The following IL31RA variants were observed in gnomAD, a reference collection of about 807,000 sequenced individuals.
The protein encoded by IL31RA is interleukin-31 receptor subunit alpha.
IL31RA carries 66 observed loss-of-function variants against 83.7 expected under a neutral mutation model. That is an observed-to-expected ratio of 0.79 (90% CI 0.65 to 0.97). The LOEUF (loss-of-function observed/expected upper bound fraction) is 0.97, where lower values mean the gene tolerates loss of function less well. IL31RA is among the 50% of genes least tolerant of loss of function. The pLI is 0.00. For synonymous variants in IL31RA, 325 were observed against 329.0 expected, an observed-to-expected ratio of 0.99 and a Z score of 0.13; for missense variants, 798 against 919.4, an observed-to-expected ratio of 0.87 and a Z score of 1.71.
intron 5 of IL31RA, among the ~76,000 whole-genome samples, chr5:55,889,543 G>A (rs1189488440): frequency 6.6e-6 from 1 of 152,248 alleles, no homozygotes; most frequent in Admixed American, 6.5e-5. Context: ...TCTCGTGGAT[G>A]ACGTGAGGAT....
chr5:55,889,995 G>T lies in IL31RA; in HGVS notation c.632G>T (p.Arg211Leu), dbSNP rs565501186. ...SWMEVNFAKNRKDKNQTYNLT... is the reference protein window; with the variant it reads ...SWMEVNFAKNLKDKNQTYNLT... ...ATGGAAGTCAACTTCGCTAAGAACC[G>T]TAAGGATAAAAACCAAACGTACAAC... The change falls in exon 6 of 15, where the codon CGT (arginine) becomes CTT (leucine). Residue 211 changes from arginine (R) to leucine (L), a missense_variant. Physicochemically the swap from Arg to Leu is moderately radical, Grantham distance 102. Coordinates refer to ENST00000652347, the MANE Select transcript of IL31RA (RefSeq NM_139017.7). The T allele has an allele frequency of 1.2e-6, 2 of 1,613,960 alleles. No individual in the cohort carries two copies. Among genetic ancestry groups the T allele is most frequent in the Non-Finnish European group, 1.7e-6 (2 of 1,179,940 alleles).
At position 55,863,454 on chromosome 5, in the gene IL31RA, A is replaced by G. The variant is rs146883438; in HGVS notation, c.154+3855A>G. 7.1e-4 allele frequency among the ~76,000 whole-genome samples: 108 copies of G among 152,358 alleles called. No individual in the cohort carries two copies. The East Asian group carries it at 0.014, about 20-fold the overall frequency. Reference sequence around the variant, plus strand: ...GGGCTCTGCTATCCTCACACACACCATGTCAGCATCCGTTTTCAAGGCGTG... The same window carrying G: ...GGGCTCTGCTATCCTCACACACACCGTGTCAGCATCCGTTTTCAAGGCGTG... On this transcript the variant is annotated intron_variant, in intron 2 of 14. Coordinates refer to ENST00000652347, the MANE Select transcript of IL31RA (RefSeq NM_139017.7).
At chr5:55,859,963 C>T (rs550967910) in intron 2 of IL31RA, among the ~76,000 whole-genome samples, 15 of 152,292 alleles carry the variant, frequency 9.8e-5, no homozygotes, top group African/African-American at 3.1e-4. Flanking sequence ...ATATATAGTA[C>T]ATTTTTCCTT....
intron 2 of IL31RA, among the ~76,000 whole-genome samples, chr5:55,861,188 T>A (rs1561538392): frequency 6.6e-6 from 1 of 152,214 alleles, no homozygotes; most frequent in Non-Finnish European, 1.5e-5. Flanking sequence ...AGGGCAGTCA[T>A]GACCCAGAGA....
chr5:55,888,352 A>T (rs913021847), intron 5 of IL31RA, among the ~76,000 whole-genome samples: 5 of 152,156 alleles, frequency 3.3e-5, no homozygotes, highest in African/African-American at 1.2e-4. Context: ...CTTGATTAAA[A>T]GACTGAGCAG....
At chr5:55,909,768 G>A (rs555337872) in intron 11 of IL31RA, among the ~76,000 whole-genome samples, 3 of 150,182 alleles carry the variant, frequency 2.0e-5, no homozygotes, top group South Asian at 2.1e-4. Context: ...GCAATGGCAC[G>A]ATCTTGGCTC....
At chr5:55,912,066 T>C (rs975394937) in intron 12 of IL31RA, among the ~76,000 whole-genome samples, 1 of 152,172 alleles carries the variant, frequency 6.6e-6, no homozygotes, top group Admixed American at 6.5e-5. Flanking sequence ...ACAAATTTCA[T>C]CAGCTCAAGG....
chr5:55,908,441 A>G, intron 11 of IL31RA, 30 bp downstream of exon 11: 1 of 1,614,200 alleles, frequency 6.2e-7, no homozygotes, highest in Non-Finnish European at 8.5e-7. Flanking sequence ...AGTGGAAAAA[A>G]ACCCCAAGCC....
At chr5:55,872,167 A>C in intron 3 of IL31RA, 103 bp from the exon 4 acceptor site, 1 of 861,988 alleles carries the variant, frequency 1.2e-6, no homozygotes. Flanking sequence ...GTTCTCAAGA[A>C]AACCCAGAGA....
At chr5:55,875,402 TA>T (rs1316484067) in intron 4 of IL31RA, among the ~76,000 whole-genome samples, 1 of 152,178 alleles carries the variant, frequency 6.6e-6, no homozygotes, top group African/African-American at 2.4e-5. Flanking sequence ...CCTCATCTTC[TA>T]TTTTTTGGAA....
intron 2 of IL31RA, among the ~76,000 whole-genome samples, chr5:55,866,970 G>T (rs542813346): frequency 1.0e-3 from 103 of 100,022 alleles, no homozygotes; most frequent in Admixed American, 1.8e-3. Context: ...AAAAATGCCT[G>T]CTTCTTAAGA....
At chr5:55,900,165 C>G (rs1748726354) in intron 8 of IL31RA, 33 bp downstream of exon 8, 4 of 1,482,712 alleles carry the variant, frequency 2.7e-6, no homozygotes, top group Non-Finnish European at 3.8e-6. Context: ...CCTTAGGTGC[C>G]TGGTCCCATC....
chr5:55,906,239 C>A lies in IL31RA; in HGVS notation c.1203C>A (p.Thr401=). ...WFPDVDSEPT[T]LSWESVSQAT... ...CGGATGTGGACTCAGAGCCCACCAC[C>A]CTTTCCTGGGAATCTGTGTCTCAGG... The change falls in exon 9 of 15, where the codon ACC becomes ACA. Residue 401 remains threonine (T), a synonymous_variant. Coordinates refer to ENST00000652347, the MANE Select transcript of IL31RA (RefSeq NM_139017.7). The A allele has an allele frequency of 6.2e-7, 1 of 1,614,126 alleles. No individual in the cohort carries two copies. Among genetic ancestry groups the A allele is most frequent in the Non-Finnish European group, 8.5e-7 (1 of 1,180,020 alleles).
Position 55,921,324 on chromosome 5 carries a change from A to G in IL31RA, c.*4204A>G, listed in dbSNP as rs189887385. ...CTGAATACATTATGTTCTCCCATAT[A>G]TAAAAATTCATGCATGAGCAAAGCA... On this transcript the variant is annotated 3_prime_UTR_variant, in exon 15 of 15. Coordinates refer to ENST00000652347, the MANE Select transcript of IL31RA (RefSeq NM_139017.7). Among the ~76,000 whole-genome samples, 185 of 152,320 alleles carry G rather than the reference A, an allele frequency of 1.2e-3. No individual in the cohort carries two copies. The highest frequency in any genetic ancestry group is 3.3e-3 in the South Asian group (16 of 4,828).
upstream of IL31RA, among the ~76,000 whole-genome samples, chr5:55,851,184 A>G: frequency 6.6e-6 from 1 of 152,226 alleles, no homozygotes; most frequent in South Asian, 2.1e-4. Context: ...CTCTGGTCAC[A>G]ACATTTTTGT....
chr5:55,851,349 C>T (rs536398587), upstream of IL31RA: 52 of 668,216 alleles, frequency 7.8e-5, no homozygotes, highest in Middle Eastern at 8.3e-4. Flanking sequence ...ATATTTTCTC[C>T]ATGAGGCACA....
chr5:55,872,772 C>T (rs2112386801), intron 4 of IL31RA, among the ~76,000 whole-genome samples: 1 of 152,140 alleles, frequency 6.6e-6, no homozygotes, highest in East Asian at 1.9e-4. Flanking sequence ...CCACCCCACC[C>T]TGCCAATGTC....
chr5:55,878,646 C>A (rs1286243881), intron 4 of IL31RA, among the ~76,000 whole-genome samples: 3 of 152,116 alleles, frequency 2.0e-5, no homozygotes, highest in African/African-American at 7.2e-5. Context: ...TATATACACA[C>A]AGCTGCTTTT....
At chr5:55,861,925 C>T (rs1486729883) in intron 2 of IL31RA, among the ~76,000 whole-genome samples, 1 of 152,158 alleles carries the variant, frequency 6.6e-6, no homozygotes, top group Non-Finnish European at 1.5e-5. Context: ...GCAACAGCAC[C>T]AAAGTGATAT....
Sources: allele counts gnomAD v4.1 joint callset (sites outside exome capture counted in the v4.1 genomes callset), GRCh38; gene constraint gnomAD v4.1.1; transcripts MANE v1.5; gene names NCBI Gene and HGNC (gene_info 2026-07-23, HGNC 2026-07-21).